ERBB4: variants seen among roughly 807,000 people sequenced by gnomAD.
ERBB4 encodes the protein receptor tyrosine-protein kinase erbB-4.
In ERBB4, 42 loss-of-function variants were observed where a neutral mutation model predicts 158.0. That is an observed-to-expected ratio of 0.27 (90% CI 0.21 to 0.34). The LOEUF is 0.34. Ranked by LOEUF, ERBB4 falls within the 10% of genes least tolerant of loss-of-function variation. The pLI, the probability that ERBB4 is intolerant of heterozygous loss-of-function variation, is 1.00. For synonymous variants in ERBB4, 583 were observed against 558.7 expected, an observed-to-expected ratio of 1.04 and a Z score of -0.61; for missense variants, 1,333 against 1,624.1, an observed-to-expected ratio of 0.82 and a Z score of 3.08.
intron 1 of ERBB4, among the ~76,000 whole-genome samples, chr2:212,512,686 G>A (rs545805219): frequency 2.0e-5 from 3 of 152,130 alleles, no homozygotes; most frequent in South Asian, 2.1e-4. Context: ...GACTATTAGG[G>A]TTGTCAAATA....
intron 25 of ERBB4, among the ~76,000 whole-genome samples, chr2:211,395,804 A>G (rs1275960522): frequency 1.3e-5 from 2 of 152,206 alleles, no homozygotes; most frequent in East Asian, 3.9e-4. Flanking sequence ...CACTCTACCT[A>G]TAAAAGCCAG....
At chr2:212,226,068 AT>A (rs2083457230) in intron 1 of ERBB4, among the ~76,000 whole-genome samples, 2 of 152,132 alleles carry the variant, frequency 1.3e-5, no homozygotes, top group Non-Finnish European at 1.5e-5. Context: ...AGTCAGAGAG[AT>A]TCAAATCGGC....
chr2:212,328,378 G>A (rs995049734), intron 1 of ERBB4, among the ~76,000 whole-genome samples: 3 of 151,892 alleles, frequency 2.0e-5, no homozygotes, highest in African/African-American at 7.3e-5. Context: ...ACTTGTATAC[G>A]ACTTAGCACC....
In ERBB4 at chr2:211,561,148, T is replaced by C. The variant is rs16846443; in HGVS notation, c.2487+755A>G. 8.5e-3 allele frequency among the ~76,000 whole-genome samples: 1,290 copies of C among 152,342 alleles called. 17 individuals carry two copies. Among genetic ancestry groups the C allele is most frequent in the East Asian group, 0.041 (214 of 5,188 alleles). On this transcript the variant is annotated intron_variant, in intron 20 of 27. Coordinates refer to ENST00000342788, the MANE Select transcript of ERBB4 (RefSeq NM_005235.3). ...AACATTTAGAATGTATACTAGAAGT[T>C]GCACACTAGCAGACTGCATGATAAG...
At chr2:212,522,737 T>C (rs1339033168) in intron 1 of ERBB4, among the ~76,000 whole-genome samples, 8 of 151,992 alleles carry the variant, frequency 5.3e-5, no homozygotes, top group African/African-American at 1.9e-4. Context: ...ATAGCCAAAT[T>C]GATTGTTAGA....
intron 1 of ERBB4, among the ~76,000 whole-genome samples, chr2:212,326,390 C>CA (rs1223841036): frequency 6.6e-6 from 1 of 150,518 alleles, no homozygotes; most frequent in African/African-American, 2.4e-5. Context: ...AGTTTAATAA[C>CA]AAACTTTAAA....
intron 1 of ERBB4, among the ~76,000 whole-genome samples, chr2:212,444,584 G>A (rs2092314199): frequency 6.6e-6 from 1 of 152,204 alleles, no homozygotes; most frequent in African/African-American, 2.4e-5. Flanking sequence ...TAATAATCAA[G>A]TGGATATGAT....
intron 1 of ERBB4, among the ~76,000 whole-genome samples, chr2:212,391,059 T>A (rs2090839434): frequency 6.6e-6 from 1 of 151,742 alleles, no homozygotes; most frequent in Admixed American, 6.6e-5. Context: ...ACTGCTGTGT[T>A]TACGTCTTAA....
chr2:211,676,716 T>G (rs868249020), intron 13 of ERBB4, among the ~76,000 whole-genome samples: 2 of 152,348 alleles, frequency 1.3e-5, no homozygotes, highest in Middle Eastern at 3.4e-3. Flanking sequence ...CAAAATGATT[T>G]CTATAATTTC....
intron 1 of ERBB4, among the ~76,000 whole-genome samples, chr2:212,435,957 G>T (rs992095217): frequency 6.6e-6 from 1 of 151,752 alleles, no homozygotes; most frequent in Non-Finnish European, 1.5e-5. Context: ...AAAATTCCCA[G>T]ATATGCCAGG....
chr2:212,202,333 T>C (rs1181535227), intron 1 of ERBB4, among the ~76,000 whole-genome samples: 1 of 152,090 alleles, frequency 6.6e-6, no homozygotes, highest in Non-Finnish European at 1.5e-5. Flanking sequence ...GGATATGTTT[T>C]GACATGAAAT....
At chr2:211,501,780 A>C (rs1401495101) in intron 20 of ERBB4, among the ~76,000 whole-genome samples, 1 of 152,160 alleles carries the variant, frequency 6.6e-6, no homozygotes, top group Non-Finnish European at 1.5e-5. Flanking sequence ...TATTAAATAC[A>C]ATATATAAAA....
At chr2:211,802,413 T>A (rs2076521221) in intron 3 of ERBB4, among the ~76,000 whole-genome samples, 1 of 152,206 alleles carries the variant, frequency 6.6e-6, no homozygotes, top group Admixed American at 6.5e-5. Flanking sequence ...ACTAAAAAGC[T>A]ATAATATTTT....
At chr2:211,517,664 A>T (rs1427836410) in intron 20 of ERBB4, among the ~76,000 whole-genome samples, 2 of 152,160 alleles carry the variant, frequency 1.3e-5, no homozygotes, top group Non-Finnish European at 2.9e-5. Flanking sequence ...CTAGGAGAAG[A>T]TGAAATTTGT....
chr2:212,295,779 G>A (rs977109906), intron 1 of ERBB4, among the ~76,000 whole-genome samples: 1 of 152,024 alleles, frequency 6.6e-6, no homozygotes, highest in Non-Finnish European at 1.5e-5. Context: ...TTACTGTGAC[G>A]TAGGCAAATG....
rs35256083 is a variant in ERBB4 at position 211,512,447 on chromosome 2, C to CAAA, written c.2487+49453_2487+49455dup. On this transcript the variant is annotated intron_variant, in intron 20 of 27. Coordinates refer to ENST00000342788, the MANE Select transcript of ERBB4 (RefSeq NM_005235.3). ...TTCCAAAGAACAAAAACCAAAATCT[C>CAAA]AAAAAAAAAAGCATTTTTATATAGA... 6.0e-3 allele frequency among the ~76,000 whole-genome samples: 885 copies of CAAA among 147,220 alleles called. 10 individuals carry two copies. Among genetic ancestry groups the CAAA allele is most frequent in the African/African-American group, 0.018 (738 of 40,148 alleles).
At chr2:211,691,142 A>G (rs375408481) in intron 12 of ERBB4, among the ~76,000 whole-genome samples, 75 of 152,314 alleles carry the variant, frequency 4.9e-4, no homozygotes, top group African/African-American at 1.8e-3. Context: ...AAAGCTGAGA[A>G]GTACTGTTTA....
intron 23 of ERBB4, 31 bp downstream of exon 23, chr2:211,424,124 T>C: frequency 1.3e-6 from 2 of 1,597,314 alleles, no homozygotes; most frequent in Non-Finnish European, 1.7e-6. Flanking sequence ...CTAAGAATGA[T>C]GATGGTGATA....
At chr2:212,459,203 T>C (rs1688453522) in intron 1 of ERBB4, among the ~76,000 whole-genome samples, 1 of 152,148 alleles carries the variant, frequency 6.6e-6, no homozygotes, top group Admixed American at 6.6e-5. Context: ...GAGTTGTTTT[T>C]TTTTATTTTA....
Sources: allele counts gnomAD v4.1 joint callset (sites outside exome capture counted in the v4.1 genomes callset), GRCh38; gene constraint gnomAD v4.1.1; transcripts MANE v1.5; gene names NCBI Gene and HGNC (gene_info 2026-07-23, HGNC 2026-07-21).